The following CACNA1D variants were observed in gnomAD, a reference collection of about 807,000 sequenced individuals.
The protein encoded by CACNA1D is calcium voltage-gated channel subunit alpha1 D, also known as voltage-dependent L-type calcium channel subunit alpha-1D.
A neutral mutation model predicts 257.1 loss-of-function variants in CACNA1D; 55 were observed. That is an observed-to-expected ratio of 0.21 (90% confidence interval 0.17 to 0.27). CACNA1D has a LOEUF of 0.27. Ranked by LOEUF, CACNA1D falls within the 10% of genes least tolerant of loss-of-function variation. The pLI is 1.00. For missense variants in CACNA1D, 1,876 were observed against 2,784.0 expected (o/e 0.67, Z 7.34); for synonymous variants, 980 against 1,014.9 (o/e 0.97, Z 0.65).
chr3:53,774,249 C>G lies in CACNA1D; in HGVS notation c.4111-338C>G. ...GGCCTTCCCTGACCCAGCCCCCCAG[C>G]CTTCAGTAGATGAGCCTGTCTCACG... On this transcript the variant is annotated intron_variant, in intron 33 of 47. Coordinates refer to ENST00000350061, the MANE Select transcript of CACNA1D (RefSeq NM_001128840.3). The surrounding 1 kb of genome is among the most constrained non-coding windows in gnomAD (Gnocchi z 4.3). 19 of 337,536 alleles carry G rather than the reference C, an allele frequency of 5.6e-5. No individual in the cohort carries two copies. Among genetic ancestry groups the G allele is most frequent in the South Asian group, 5.5e-4 (19 of 34,616 alleles). 20.9% of individuals were successfully genotyped at this position (337,536 alleles called of 1,614,324 possible). A position where few individuals can be genotyped will look rare whatever the true frequency, so the allele number is the denominator to read the frequency against.
At chr3:53,649,220 G>A (rs901812921) in intron 3 of CACNA1D, among the ~76,000 whole-genome samples, 5 of 152,212 alleles carry the variant, frequency 3.3e-5, no homozygotes, top group African/African-American at 7.2e-5. Flanking sequence ...AATAGGTGAC[G>A]GTTCCTCAAA....
intron 9 of CACNA1D, among the ~76,000 whole-genome samples, chr3:53,706,565 TGTA>T (rs2094691463): frequency 6.6e-6 from 1 of 152,152 alleles, no homozygotes; most frequent in South Asian, 2.1e-4. Flanking sequence ...TAGTCATAGT[TGTA>T]GTATGTGCTG....
chr3:53,653,122 A>G (rs1048967444), intron 4 of CACNA1D, among the ~76,000 whole-genome samples: 1 of 152,176 alleles, frequency 6.6e-6, no homozygotes, highest in Admixed American at 6.5e-5. Flanking sequence ...GTGGTGGCGC[A>G]TGCCTGTAAT....
chr3:53,568,086 A>G (rs1433793175), intron 3 of CACNA1D, among the ~76,000 whole-genome samples: 3 of 152,154 alleles, frequency 2.0e-5, no homozygotes, highest in African/African-American at 4.8e-5. Context: ...GGATCAAATG[A>G]GATCATGTGA....
At chr3:53,535,854 T>G (rs1218602099) in intron 3 of CACNA1D, among the ~76,000 whole-genome samples, 1 of 152,166 alleles carries the variant, frequency 6.6e-6, no homozygotes, top group Non-Finnish European at 1.5e-5. Context: ...AAGATTAAGT[T>G]TCTAGAGTCT....
At chr3:53,779,924 C>A (rs1466312613) in intron 37 of CACNA1D, 102 bp from the exon 38 acceptor site, 1 of 869,352 alleles carries the variant, frequency 1.2e-6, no homozygotes, top group Non-Finnish European at 2.0e-6. Context: ...TGAGGGTTGA[C>A]TAGAAAAGAG....
At position 53,686,700 on chromosome 3, in the gene CACNA1D, A is replaced by G. The variant is rs143091463; in HGVS notation, c.1220+13574A>G. The stretch of plus-strand genomic sequence containing the variant: ...CCTGAAAAAAAAACTATAGCTGACA[A>G]CATACTTATTGGTGAAAGACTCAAT... On this transcript the variant is annotated intron_variant, in intron 8 of 47. Coordinates refer to ENST00000350061, the MANE Select transcript of CACNA1D (RefSeq NM_001128840.3). Among the ~76,000 whole-genome samples, 714 of 152,196 alleles carry G rather than the reference A, an allele frequency of 4.7e-3. 8 individuals carry two copies. The highest frequency in any genetic ancestry group is 0.017 in the African/African-American group (690 of 41,566).
At chr3:53,785,458 T>G (rs1466433602) in intron 39 of CACNA1D, 3 of 152,106 alleles carry the variant, frequency 2.0e-5, no homozygotes, top group Non-Finnish European at 4.4e-5. Flanking sequence ...CCCGGGCATC[T>G]CCAGTGGGGA....
chr3:53,637,765 G>C (rs1344852141), intron 3 of CACNA1D, among the ~76,000 whole-genome samples: 1 of 152,194 alleles, frequency 6.6e-6, no homozygotes, highest in East Asian at 1.9e-4. Flanking sequence ...GGTCTCCCGA[G>C]ACTCAGTTCT....
rs989420700 is a variant in CACNA1D, at chr3:53,732,174, G to A, written c.2473+92G>A. ...GCCGAGTCTGCGGCCAGCCAGCCCA[G>A]CAGCGTGCACATGAGCTGCTGAGGC... On this transcript the variant is annotated intron_variant, in intron 18 of 47. Transcript: ENST00000350061. The A allele has an allele frequency of 1.7e-5, 17 of 1,007,798 alleles. No individual in the cohort carries two copies. In the African/African-American group the frequency reaches 2.5e-4, roughly 15 times the overall value. The allele number at this position is 1,007,798 out of a possible 1,614,324, so 62.4% of individuals were successfully genotyped here.
rs570352066 is a variant in CACNA1D at position 53,562,661 on chromosome 3, C to CG, written c.483+60941_483+60942insG. 9.7e-4 allele frequency among the ~76,000 whole-genome samples: 148 copies of CG among 152,170 alleles called. 7 individuals are homozygous for CG. The South Asian group carries it at 0.03, about 31-fold the overall frequency. On this transcript the variant is annotated intron_variant, in intron 3 of 47. Transcript: ENST00000350061. The stretch of plus-strand genomic sequence containing the variant: ...AACATTTTCATAAATGCCTCCCCCC[C>CG]CAAATTCTCTTGAACCTGTGTGAGA...
At chr3:53,531,450 C>G (rs1163015816) in intron 3 of CACNA1D, among the ~76,000 whole-genome samples, 1 of 152,144 alleles carries the variant, frequency 6.6e-6, no homozygotes, top group Non-Finnish European at 1.5e-5. Context: ...TGTCTTTAAA[C>G]CACACAATGG....
chr3:53,620,478 G>A (rs1253872312), intron 3 of CACNA1D, among the ~76,000 whole-genome samples: 1 of 152,196 alleles, frequency 6.6e-6, no homozygotes, highest in African/African-American at 2.4e-5. Context: ...TTTTTGTAGA[G>A]ATGGGGTCTC....
rs187585852 is a variant in CACNA1D at position 53,590,967 on chromosome 3, G to A, written c.484-59812G>A. Among the ~76,000 whole-genome samples, 30 of 152,314 alleles carry A rather than the reference G, an allele frequency of 2.0e-4. No individual in the cohort carries two copies. In the Middle Eastern group the frequency reaches 0.014, roughly 69 times the overall value. Reference sequence around the variant, plus strand: ...TTATGTATGGGCTTTCAGTAAACATGTTTGGATTGAAATACACATTTGAGG... The same window carrying A: ...TTATGTATGGGCTTTCAGTAAACATATTTGGATTGAAATACACATTTGAGG... On this transcript the variant is annotated intron_variant, in intron 3 of 47. Coordinates refer to ENST00000350061, the MANE Select transcript of CACNA1D (RefSeq NM_001128840.3).
Position 53,745,831 on chromosome 3 carries a change from C to T in CACNA1D, c.3123C>T (p.Phe1041=), listed in dbSNP as rs2095163285. The change falls in exon 25 of 48, where the codon TTC becomes TTT. Residue 1041 remains phenylalanine (F), a synonymous_variant. Coordinates refer to ENST00000350061, the MANE Select transcript of CACNA1D (RefSeq NM_001128840.3). The part of the protein sequence containing the change: ...CIGVQLFKGK[F]YRCTDEAKSN... ...GTCTATTTTATACCCAGGGGAAGTT[C>T]TATCGCTGTACGGATGAAGCCAAAA... 6.2e-7 allele frequency: 1 copy of T among 1,613,604 alleles called. No homozygotes were observed. Among genetic ancestry groups the T allele is most frequent in the African/African-American group, 1.3e-5 (1 of 74,924 alleles).
intron 43 of CACNA1D, among the ~76,000 whole-genome samples, chr3:53,802,673 G>A (rs965996949): frequency 6.6e-6 from 1 of 152,268 alleles, no homozygotes; most frequent in Admixed American, 6.5e-5. Flanking sequence ...TGCCCATTTT[G>A]TTGGGGGCCA....
intron 3 of CACNA1D, among the ~76,000 whole-genome samples, chr3:53,639,156 T>C (rs2093919167): frequency 2.0e-5 from 3 of 152,210 alleles, no homozygotes; most frequent in Admixed American, 2.0e-4. Flanking sequence ...TGCCTATTTG[T>C]TTTTTGAGAC....
intron 15 of CACNA1D, among the ~76,000 whole-genome samples, chr3:53,728,444 A>G (rs1339902971): frequency 3.9e-5 from 6 of 152,098 alleles, no homozygotes; most frequent in South Asian, 2.1e-4. Context: ...CGGCCTGTCT[A>G]CTGGAATTTT....
At chr3:53,632,577 C>G (rs2093833925) in intron 3 of CACNA1D, among the ~76,000 whole-genome samples, 1 of 152,264 alleles carries the variant, frequency 6.6e-6, no homozygotes, top group African/African-American at 2.4e-5. Flanking sequence ...GGCTTTCAGC[C>G]TGTCTCTGCT....
Sources: gnomAD v4.1 joint callset for allele counts (sites outside exome capture counted in the v4.1 genomes callset) on GRCh38, gnomAD v4.1.1 for gene constraint, Gnocchi (gnomAD v3.1) non-coding constraint, MANE v1.5 for transcripts, NCBI Gene and HGNC (gene_info 2026-07-23, HGNC 2026-07-21) for gene names.